The following MAP2K3 variants were observed in gnomAD, a reference collection of about 807,000 sequenced individuals.
MAP2K3 encodes the protein mitogen-activated protein kinase kinase 3, also known as dual specificity mitogen-activated protein kinase kinase 3.
A neutral mutation model predicts 46.4 loss-of-function variants in MAP2K3; 30 were observed. The ratio of observed to expected loss-of-function variants is 0.65; its 90% CI spans 0.48 to 0.88. MAP2K3 has a LOEUF of 0.88. Among genes scored for constraint, MAP2K3 ranks in the 40% least tolerant of loss-of-function variants. The probability of loss-of-function intolerance (pLI) is 0.00; values close to 1 mark genes in which losing one functional copy is unlikely to be tolerated. For synonymous variants in MAP2K3, 189 were observed against 176.3 expected, an observed-to-expected ratio of 1.07 and a Z score of -0.57; for missense variants, 380 against 464.5, an observed-to-expected ratio of 0.82 and a Z score of 1.67.
At chr17:21,302,397 C>A in intron 6 of MAP2K3, 138 bp downstream of exon 6, 1 of 939,990 alleles carries the variant, frequency 1.1e-6, no homozygotes, top group Non-Finnish European at 1.7e-6. Flanking sequence ...ACCTGGGCAG[C>A]TGCCCTGCAT....
chr17:21,293,139 TG>T lies in MAP2K3; in HGVS notation c.50-5272del, dbSNP rs1428558708. ...GGTAAGCTGCTCAACGTGGAATTTC[TG>T]GATGCAGAAGAATGGGCATTTTGAT... is the stretch of plus-strand genomic sequence containing the variant. On this transcript the variant is annotated intron_variant, in intron 1 of 11. Coordinates refer to ENST00000342679, the MANE Select transcript of MAP2K3 (RefSeq NM_145109.3). 4.6e-5 allele frequency among the ~76,000 whole-genome samples: 7 copies of T among 152,426 alleles called. No individual in the cohort carries two copies. The South Asian group carries it at 1.4e-3, about 32-fold the overall frequency.
chr17:21,304,091 G>T (rs1976754605), intron 7 of MAP2K3, among the ~76,000 whole-genome samples: 1 of 152,302 alleles, frequency 6.6e-6, no homozygotes, highest in South Asian at 2.1e-4. Context: ...CACAAGCCAG[G>T]CTCTCACTGG....
intron 9 of MAP2K3, among the ~76,000 whole-genome samples, chr17:21,306,986 A>G (rs1329055642): frequency 1.3e-5 from 2 of 152,294 alleles, no homozygotes; most frequent in South Asian, 2.1e-4. Context: ...GGGTCTCACT[A>G]TGTTGCCCAG....
At chr17:21,298,288 G>T in intron 1 of MAP2K3, 125 bp from the exon 2 acceptor site, 3 of 1,383,964 alleles carry the variant, frequency 2.2e-6, no homozygotes, top group Non-Finnish European at 3.1e-6. Flanking sequence ...GGAGAGAGGG[G>T]GCTCCCGGCA....
intron 1 of MAP2K3, among the ~76,000 whole-genome samples, chr17:21,287,123 C>T (rs1242221732): frequency 6.6e-6 from 1 of 152,250 alleles, no homozygotes; most frequent in African/African-American, 2.4e-5. Flanking sequence ...CCTATGTGCC[C>T]CTCCCATGCT....
intron 1 of MAP2K3, chr17:21,295,770 G>C: frequency 1.6e-6 from 2 of 1,289,676 alleles, no homozygotes; most frequent in Non-Finnish European, 2.0e-6. Flanking sequence ...CCCTTGACAG[G>C]TGGGGAAACT....
At chr17:21,307,896 C>T (rs62057746) in intron 9 of MAP2K3, among the ~76,000 whole-genome samples, 116 of 138,136 alleles carry the variant, frequency 8.4e-4, no homozygotes, top group African/African-American at 3.0e-3. Flanking sequence ...CACTCTGTTG[C>T]CTAGCCTGGA....
At chr17:21,307,667 CTTTA>C (rs1333659491) in intron 9 of MAP2K3, among the ~76,000 whole-genome samples, 2 of 152,226 alleles carry the variant, frequency 1.3e-5, no homozygotes, top group Non-Finnish European at 2.9e-5. Flanking sequence ...GTGGTTATAA[CTTTA>C]TTTATTTTTA....
At chr17:21,297,989 C>G (rs1041666006) in intron 1 of MAP2K3, among the ~76,000 whole-genome samples, 1 of 149,616 alleles carries the variant, frequency 6.7e-6, no homozygotes, top group Non-Finnish European at 1.5e-5. Flanking sequence ...TGAGCCCCAT[C>G]CTGCTACCTG....
chr17:21,295,525 G>T, intron 1 of MAP2K3: 3 of 1,198,048 alleles, frequency 2.5e-6, no homozygotes, highest in Non-Finnish European at 3.2e-6. Flanking sequence ...TGGGCTGCCT[G>T]GCCATCTGGG....
At chr17:21,308,701 G>A (rs1977019654) in intron 9 of MAP2K3, among the ~76,000 whole-genome samples, 1 of 152,244 alleles carries the variant, frequency 6.6e-6, no homozygotes, top group Non-Finnish European at 1.5e-5. Flanking sequence ...TTGATGCAAA[G>A]GACAAGTTCT....
At chr17:21,299,062 T>A in intron 3 of MAP2K3, 136 bp downstream of exon 3, 1 of 1,285,556 alleles carries the variant, frequency 7.8e-7, no homozygotes, top group Non-Finnish European at 1.1e-6. Context: ...AGCCTCGTCC[T>A]GCGCTGCTGG....
At position 21,286,390 on chromosome 17, in the gene MAP2K3, A is replaced by G. The variant is rs560246782; in HGVS notation, c.49+1421A>G. On this transcript the variant is annotated intron_variant, in intron 1 of 11. Transcript: ENST00000342679. ...GAGGGTGCAGGCCAATGGGAGCCCT[A>G]TGTGGGCCTGGGGAGGGCATGGGCT... is the stretch of plus-strand genomic sequence containing the variant. 3.7e-4 allele frequency among the ~76,000 whole-genome samples: 57 copies of G among 152,354 alleles called. 1 individual carries two copies. The South Asian group carries it at 9.7e-3, about 26-fold the overall frequency.
At chr17:21,297,069 C>T (rs1192616043) in intron 1 of MAP2K3, among the ~76,000 whole-genome samples, 2 of 152,310 alleles carry the variant, frequency 1.3e-5, no homozygotes, top group East Asian at 1.9e-4. Flanking sequence ...GACCCTGGGA[C>T]CCCTGTCCCT....
intron 5 of MAP2K3, among the ~76,000 whole-genome samples, chr17:21,301,535 T>G (rs1976600436): frequency 6.6e-6 from 1 of 152,312 alleles, no homozygotes; most frequent in Admixed American, 6.5e-5. Flanking sequence ...CTCAAAGAGC[T>G]GTGGCAGGGT....
chr17:21,312,071 A>G (rs1017197686), intron 9 of MAP2K3, 71 bp from the exon 10 acceptor site: 52 of 1,416,742 alleles, frequency 3.7e-5, no homozygotes, highest in Admixed American at 1.2e-4. Flanking sequence ...GGAGCCCCCA[A>G]CCCTCGCTCC....
intron 5 of MAP2K3, among the ~76,000 whole-genome samples, 178 bp from the exon 6 acceptor site, chr17:21,301,965 G>A (rs1475138714): frequency 1.3e-5 from 2 of 152,310 alleles, no homozygotes; most frequent in Non-Finnish European, 2.9e-5. Flanking sequence ...AGGCAGAGTT[G>A]GAGGGTGGGG....
intron 1 of MAP2K3, among the ~76,000 whole-genome samples, chr17:21,293,112 G>A (rs1976035647): frequency 6.6e-6 from 1 of 152,312 alleles, no homozygotes; most frequent in Admixed American, 6.5e-5. Flanking sequence ...TTGTAGTGTG[G>A]GGGTAAGCTG....
At chr17:21,298,604 G>T (rs1328868720) in intron 2 of MAP2K3, 125 bp downstream of exon 2, 16 of 1,489,644 alleles carry the variant, frequency 1.1e-5, no homozygotes, top group Non-Finnish European at 1.9e-6. Flanking sequence ...GGCAGCCCCT[G>T]CTGTGCATAC....
Sources: gnomAD v4.1 joint callset for allele counts (sites outside exome capture counted in the v4.1 genomes callset) on GRCh38, gnomAD v4.1.1 for gene constraint, MANE v1.5 for transcripts, NCBI Gene and HGNC (gene_info 2026-07-23, HGNC 2026-07-21) for gene names.